The following TENM3 variants were observed in gnomAD, a reference collection of about 807,000 sequenced individuals.
TENM3 encodes the protein teneurin transmembrane protein 3, also known as teneurin-3.
A neutral mutation model predicts 255.1 loss-of-function variants in TENM3; 63 were observed. That is an observed-to-expected ratio of 0.25 (90% CI 0.20 to 0.30). The LOEUF (loss-of-function observed/expected upper bound fraction) is 0.30, where lower values mean the gene tolerates loss of function less well. Among genes scored for constraint, TENM3 ranks in the 10% least tolerant of loss-of-function variants. The pLI, the probability that TENM3 is intolerant of heterozygous loss-of-function variation, is 1.00. For synonymous variants in TENM3, 1,306 were observed against 1,322.3 expected, an observed-to-expected ratio of 0.99 and a Z score of 0.27; for missense variants, 2,929 against 3,461.1, an observed-to-expected ratio of 0.85 and a Z score of 3.86.
chr4:181,454,591 G>T, the TENM3 span, among the ~76,000 whole-genome samples: 1 of 118,458 alleles, frequency 8.4e-6, no homozygotes, highest in Admixed American at 8.7e-5. Context: ...TTACGCAGAC[G>T]TACAATTTTT....
At chr4:182,396,742 G>A (rs891249920) in intron 3 of TENM3, among the ~76,000 whole-genome samples, 8 of 151,954 alleles carry the variant, frequency 5.3e-5, no homozygotes, top group African/African-American at 7.3e-5. Context: ...CGGGTGGATC[G>A]CCTGAGGTCA....
chr4:181,541,145 T>C, the TENM3 span, among the ~76,000 whole-genome samples: 3 of 152,164 alleles, frequency 2.0e-5, no homozygotes, highest in Admixed American at 6.5e-5. Flanking sequence ...AGGCTGAGGC[T>C]GGAGGACTGC....
At chr4:182,618,540 A>G (rs1301823787) in intron 4 of TENM3, among the ~76,000 whole-genome samples, 1 of 152,066 alleles carries the variant, frequency 6.6e-6, no homozygotes, top group African/African-American at 2.4e-5. Context: ...GGTAAGTTTT[A>G]TGCTTATTAC....
At chr4:181,606,027 ATG>A in the TENM3 span, among the ~76,000 whole-genome samples, 5,903 of 152,226 alleles carry the variant, frequency 0.039, 144 homozygotes, top group Admixed American at 0.071. Flanking sequence ...TCAGTTCCTC[ATG>A]GTGGTAAATG....
intron 3 of TENM3, among the ~76,000 whole-genome samples, chr4:182,481,854 CAAT>C (rs1377089447): frequency 6.6e-6 from 1 of 152,166 alleles, no homozygotes; most frequent in African/African-American, 2.4e-5. Context: ...TTACTTCTAA[CAAT>C]AACTTAATGA....
At chr4:182,676,148 G>T (rs998052008) in intron 7 of TENM3, among the ~76,000 whole-genome samples, 1 of 152,192 alleles carries the variant, frequency 6.6e-6, no homozygotes, top group Non-Finnish European at 1.5e-5. Flanking sequence ...AAATTGGCCA[G>T]CCATTCAGAA....
At chr4:181,761,655 T>G in the TENM3 span, among the ~76,000 whole-genome samples, 1 of 152,230 alleles carries the variant, frequency 6.6e-6, no homozygotes. Context: ...AGTTATTTTA[T>G]TTTGTTCTTC....
chr4:182,204,972 C>T (rs1422596539), intron 1 of TENM3, among the ~76,000 whole-genome samples: 2 of 152,186 alleles, frequency 1.3e-5, no homozygotes, highest in East Asian at 1.9e-4. Context: ...TGTGACTTTT[C>T]GGTTGCAGCA....
chr4:181,992,129 G>A, the TENM3 span, among the ~76,000 whole-genome samples: 1 of 152,188 alleles, frequency 6.6e-6, no homozygotes, highest in Non-Finnish European at 1.5e-5. Flanking sequence ...CCTGACATTT[G>A]TGCTTCTTCA....
chr4:182,452,199 A>T (rs1240478844), intron 3 of TENM3, among the ~76,000 whole-genome samples: 1 of 152,258 alleles, frequency 6.6e-6, no homozygotes, highest in Non-Finnish European at 1.5e-5. Context: ...GAGAAATAGG[A>T]TGTTCTTCCT....
intron 1 of TENM3, among the ~76,000 whole-genome samples, chr4:182,296,931 G>A (rs1761534306): frequency 6.6e-6 from 1 of 152,098 alleles, no homozygotes; most frequent in Non-Finnish European, 1.5e-5. Flanking sequence ...GATTTCCATT[G>A]ATTCGGAAGG....
In TENM3 at chr4:182,803,000, T is replaced by C. The variant is rs2152844378; in HGVS notation, c.*2649T>C. ...GATGACTATAGATTGCACCTAGGCA[T>C]TCCAATAAAAGCCAACCCAATGTGT... is the stretch of plus-strand genomic sequence containing the variant. On this transcript the variant is annotated 3_prime_UTR_variant, in exon 28 of 28. Transcript: ENST00000511685. The C allele has an allele frequency of 6.5e-6, 1 of 152,794 alleles. No homozygotes were observed. Among genetic ancestry groups the C allele is most frequent in the Non-Finnish European group, 1.5e-5 (1 of 68,050 alleles). 9.5% of individuals were successfully genotyped at this position (152,794 alleles called of 1,614,324 possible).
At chr4:182,478,099 A>G (rs1007816442) in intron 3 of TENM3, among the ~76,000 whole-genome samples, 1 of 152,136 alleles carries the variant, frequency 6.6e-6, no homozygotes, top group African/African-American at 2.4e-5. Flanking sequence ...TGTGGAACTT[A>G]AACACTTTTG....
the TENM3 span, among the ~76,000 whole-genome samples, chr4:182,019,043 CTGGCT>C: frequency 2.0e-5 from 3 of 152,192 alleles, no homozygotes; most frequent in Non-Finnish European, 4.4e-5. Flanking sequence ...AAACAAGGTC[CTGGCT>C]TGGCCGCATT....
Position 182,736,958 on chromosome 4 carries a change from G to A in TENM3, c.3118G>A (p.Val1040Ile), listed in dbSNP as rs754408181. ...NLMKVHLMVA[V>I]VGRLFQKWFP... is the part of the protein sequence containing the mutation. ...AATGAAGGTTCATCTTATGGTAGCT[G>A]TAGTAGGAAGACTCTTCCAAAAGTG... Residue 1040 changes from valine (V) to isoleucine (I), a missense_variant, in exon 17 of 28, where the codon GTA becomes ATA. By Grantham distance (29) the Val-to-Ile change is conservative. Around this residue, in one of 6 missense-constraint regions of TENM3, gnomAD observed 1,608 missense variants for 1,884.4 expected, o/e 0.85. Coordinates refer to ENST00000511685, the MANE Select transcript of TENM3 (RefSeq NM_001080477.4). The A allele has an allele frequency of 1.4e-5, 23 of 1,613,746 alleles. No individual in the cohort carries two copies. The highest frequency in any genetic ancestry group is 1.7e-5 in the Admixed American group (1 of 60,002).
At chr4:182,716,900 T>C (rs577745230) in intron 13 of TENM3, among the ~76,000 whole-genome samples, 1 of 152,308 alleles carries the variant, frequency 6.6e-6, no homozygotes, top group African/African-American at 2.4e-5. Flanking sequence ...TGATTTAGCA[T>C]ATTAAGGAAC....
chr4:182,342,681 G>C (rs1363768293), intron 2 of TENM3, among the ~76,000 whole-genome samples: 2 of 152,088 alleles, frequency 1.3e-5, no homozygotes, highest in Non-Finnish European at 2.9e-5. Context: ...ACAAGCAAGA[G>C]ACCAAGAGAG....
chr4:182,015,596 T>G, the TENM3 span, among the ~76,000 whole-genome samples: 2 of 151,930 alleles, frequency 1.3e-5, no homozygotes, highest in East Asian at 3.9e-4. Flanking sequence ...GGTCTCACTC[T>G]GTCGCCCAGG....
intron 1 of TENM3, among the ~76,000 whole-genome samples, chr4:182,236,494 A>G (rs1445862829): frequency 6.6e-6 from 1 of 152,224 alleles, no homozygotes; most frequent in Non-Finnish European, 1.5e-5. Context: ...CTTTCATGAT[A>G]TGCTCATCCC....
Sources: allele counts gnomAD v4.1 joint callset (sites outside exome capture counted in the v4.1 genomes callset), GRCh38; gene constraint gnomAD v4.1.1; regional missense constraint gnomAD v4.1.1; transcripts MANE v1.5; gene names NCBI Gene and HGNC (gene_info 2026-07-23, HGNC 2026-07-21).